Variants in SPATA13 observed in about 807,000 individuals in gnomAD.
SPATA13 encodes spermatogenesis associated 13.
SPATA13 carries 50 observed loss-of-function variants against 104.0 expected under a neutral mutation model. The ratio of observed to expected loss-of-function variants is 0.48; its 90% CI spans 0.38 to 0.61. The LOEUF (loss-of-function observed/expected upper bound fraction) is 0.61. Among genes scored for constraint, SPATA13 ranks in the 20% least tolerant of loss-of-function variants. SPATA13 has a pLI of 0.00. For missense variants in SPATA13, 1,524 were observed against 1,690.6 expected, an observed-to-expected ratio of 0.90 and a Z score of 1.73; for synonymous variants, 606 against 667.5, an observed-to-expected ratio of 0.91 and a Z score of 1.42.
At chr13:24,119,162 C>G (rs932023194) in intron 3 of SPATA13, among the ~76,000 whole-genome samples, 1 of 152,130 alleles carries the variant, frequency 6.6e-6, no homozygotes, top group Admixed American at 6.5e-5. Context: ...CCGCCTCGGC[C>G]TCCCAAAGAG....
chr13:24,069,091 C>T (rs1250465271), intron 3 of SPATA13, among the ~76,000 whole-genome samples: 2 of 152,036 alleles, frequency 1.3e-5, no homozygotes, highest in Non-Finnish European at 2.9e-5. Flanking sequence ...CTTAGGATTG[C>T]CTTGGCTGTT....
At chr13:24,119,755 C>A (rs1424494722) in intron 3 of SPATA13, among the ~76,000 whole-genome samples, 1 of 152,218 alleles carries the variant, frequency 6.6e-6, no homozygotes, top group Non-Finnish European at 1.5e-5. Context: ...AGGATTCCTG[C>A]AGTAGCTGCC....
At chr13:24,122,357 C>A (rs553002230) in intron 3 of SPATA13, 11 of 1,548,718 alleles carry the variant, frequency 7.1e-6, no homozygotes, top group Non-Finnish European at 9.8e-6. Flanking sequence ...TGATACACAT[C>A]AACAGGGTTA....
At chr13:24,201,683 C>T (rs1870414157) in intron 1 of SPATA13, among the ~76,000 whole-genome samples, 1 of 152,164 alleles carries the variant, frequency 6.6e-6, no homozygotes, top group Admixed American at 6.5e-5. Flanking sequence ...TCATGGTTCG[C>T]CCACCTTGGC....
At chr13:24,285,635 G>A (rs1320091821) in intron 5 of SPATA13, among the ~76,000 whole-genome samples, 1 of 149,798 alleles carries the variant, frequency 6.7e-6, no homozygotes, top group African/African-American at 2.5e-5. Flanking sequence ...TCCTGCCTCA[G>A]CCTCCCAAGT....
At chr13:24,171,114 C>T (rs1482409348) in intron 1 of SPATA13, among the ~76,000 whole-genome samples, 1 of 151,982 alleles carries the variant, frequency 6.6e-6, no homozygotes, top group African/African-American at 2.4e-5. Context: ...TACATTTTCC[C>T]ATTCGAAGGA....
chr13:24,064,570 A>C (rs1878884113), intron 3 of SPATA13, among the ~76,000 whole-genome samples: 1 of 152,196 alleles, frequency 6.6e-6, no homozygotes, highest in Non-Finnish European at 1.5e-5. Flanking sequence ...GTGAGAACAT[A>C]GCAAGAAGAC....
intron 4 of SPATA13, among the ~76,000 whole-genome samples, chr13:24,268,249 TC>T (rs1456690344): frequency 2.6e-5 from 4 of 152,216 alleles, no homozygotes; most frequent in Admixed American, 6.5e-5. Flanking sequence ...GTTTTCAAAC[TC>T]TTTTCTTGGA....
chr13:24,037,901 A>G (rs1877762612), intron 3 of SPATA13, among the ~76,000 whole-genome samples: 1 of 151,944 alleles, frequency 6.6e-6, no homozygotes, highest in African/African-American at 2.4e-5. Context: ...GTAAAAGGTT[A>G]GTAACAACTA....
At chr13:24,277,206 A>G (rs1875054289) in intron 4 of SPATA13, among the ~76,000 whole-genome samples, 1 of 152,138 alleles carries the variant, frequency 6.6e-6, no homozygotes, top group African/African-American at 2.4e-5. Context: ...GCACTTTGGG[A>G]GGCCGAGGCG....
At chr13:24,062,408 G>T (rs1297653139) in intron 3 of SPATA13, among the ~76,000 whole-genome samples, 2 of 152,220 alleles carry the variant, frequency 1.3e-5, no homozygotes, top group African/African-American at 4.8e-5. Context: ...AGGGCACACA[G>T]TCAGGATGAA....
Position 24,224,044 on chromosome 13 carries a change from A to G in SPATA13, c.1115A>G (p.Asp372Gly). ...SRRVSRSTEQ[D>G]SRRGGAVMHG... Reference sequence around the variant, plus strand: ...CGCGTCTCCAGGAGCACTGAGCAGGACAGCAGGCGGGGCGGGGCGGTCATG... The same window carrying G: ...CGCGTCTCCAGGAGCACTGAGCAGGGCAGCAGGCGGGGCGGGGCGGTCATG... Residue 372 changes from aspartate to glycine, a missense_variant, in exon 2 of 13, where the codon GAC (aspartate) becomes GGC (glycine). Around this residue, in one of 2 missense-constraint regions of SPATA13, gnomAD observed 1,089 missense variants for 1,135.9 expected, o/e 0.96. Coordinates refer to ENST00000382108, the MANE Select transcript of SPATA13 (RefSeq NM_001166271.3). The G allele has an allele frequency of 6.5e-7, 1 of 1,549,726 alleles. No individual in the cohort carries two copies. Among genetic ancestry groups the G allele is most frequent in the Non-Finnish European group, 8.7e-7 (1 of 1,146,038 alleles).
chr13:24,222,676 T>C, intron 1 of SPATA13, 143 bp from the exon 2 acceptor site: 1 of 643,664 alleles, frequency 1.6e-6, no homozygotes, highest in Non-Finnish European at 2.6e-6. Context: ...ATGAAGTGAA[T>C]GGAGGGGAAA....
intron 1 of SPATA13, 103 bp from the exon 2 acceptor site, chr13:24,222,716 T>C (rs1871660511): frequency 1.0e-6 from 1 of 991,922 alleles, no homozygotes; most frequent in African/African-American, 1.6e-5. Context: ...TTGAAGTAGC[T>C]TTCATCTGAC....
chr13:24,044,086 C>T (rs911474229), intron 3 of SPATA13, among the ~76,000 whole-genome samples: 1 of 152,170 alleles, frequency 6.6e-6, no homozygotes, highest in African/African-American at 2.4e-5. Context: ...GAAGCTAAAG[C>T]CCGGAAGGTG....
At chr13:24,087,258 C>T (rs192509412) in intron 3 of SPATA13, among the ~76,000 whole-genome samples, 4 of 152,188 alleles carry the variant, frequency 2.6e-5, no homozygotes, top group Admixed American at 6.5e-5. Context: ...CTGGGACCTC[C>T]CCAGTCTTGC....
chr13:24,291,184 A>G (rs1305195078), intron 9 of SPATA13, among the ~76,000 whole-genome samples: 6 of 152,158 alleles, frequency 3.9e-5, no homozygotes, highest in Admixed American at 1.3e-4. Context: ...TATTTTATAA[A>G]CATGTCTTTG....
intron 4 of SPATA13, chr13:24,278,843 G>A (rs1299501557): frequency 6.4e-7 from 1 of 1,573,212 alleles, no homozygotes; most frequent in East Asian, 2.3e-5. Flanking sequence ...TGACCCCAAA[G>A]CCTTGCATGA....
chr13:24,100,772 C>G (rs1198593073), intron 3 of SPATA13, among the ~76,000 whole-genome samples: 1 of 152,212 alleles, frequency 6.6e-6, no homozygotes, highest in Non-Finnish European at 1.5e-5. Context: ...TCCTCACTCC[C>G]GTGCTGCCTG....
Sources: gnomAD v4.1 joint callset for allele counts (sites outside exome capture counted in the v4.1 genomes callset) on GRCh38, gnomAD v4.1.1 for gene constraint, gnomAD v4.1.1 regional missense constraint, MANE v1.5 for transcripts, NCBI Gene and HGNC (gene_info 2026-07-23, HGNC 2026-07-21) for gene names.